Variants in ZFAND3 observed in about 807,000 individuals in gnomAD.
ZFAND3 encodes the protein AN1-type zinc finger protein 3.
ZFAND3 carries 10 observed loss-of-function variants against 29.6 expected under a neutral mutation model. The observed-to-expected ratio is 0.34, with a 90% CI of 0.21 to 0.57. The LOEUF (loss-of-function observed/expected upper bound fraction) is 0.57, where lower values mean the gene tolerates loss of function less well. Ranked by LOEUF, ZFAND3 falls within the 20% of genes least tolerant of loss-of-function variation. ZFAND3 has a pLI of 0.86. For missense variants in ZFAND3, 230 were observed against 304.5 expected, an observed-to-expected ratio of 0.76 and a Z score of 1.82; for synonymous variants, 128 against 112.6, an observed-to-expected ratio of 1.14 and a Z score of -0.87.
At chr6:38,073,777 T>C (rs1335065808) in intron 3 of ZFAND3, among the ~76,000 whole-genome samples, 1 of 152,170 alleles carries the variant, frequency 6.6e-6, no homozygotes, top group Non-Finnish European at 1.5e-5. Flanking sequence ...GGTGAGAGAT[T>C]ACATCTGAAA....
At chr6:37,982,749 T>C (rs1489774088) in intron 2 of ZFAND3, among the ~76,000 whole-genome samples, 1 of 152,184 alleles carries the variant, frequency 6.6e-6, no homozygotes. Context: ...TTTATTTTTT[T>C]AAAAAGTTAA....
At chr6:37,847,177 T>C (rs1412174437) in intron 1 of ZFAND3, among the ~76,000 whole-genome samples, 5 of 152,340 alleles carry the variant, frequency 3.3e-5, no homozygotes, top group Non-Finnish European at 7.3e-5. Flanking sequence ...GTTGGCAATA[T>C]ACTACATGTG....
chr6:38,039,600 C>G (rs1023944527), intron 2 of ZFAND3, among the ~76,000 whole-genome samples: 5 of 152,004 alleles, frequency 3.3e-5, no homozygotes, highest in Non-Finnish European at 5.9e-5. Flanking sequence ...TGAGGAAAAG[C>G]TAGTTATAGT....
At chr6:37,954,121 C>T (rs1762045727) in intron 2 of ZFAND3, among the ~76,000 whole-genome samples, 1 of 151,958 alleles carries the variant, frequency 6.6e-6, no homozygotes, top group South Asian at 2.1e-4. Context: ...TTTAACATAT[C>T]CTTTTTTTCT....
intron 5 of ZFAND3, among the ~76,000 whole-genome samples, chr6:38,142,604 C>T (rs2127495781): frequency 6.6e-6 from 1 of 152,314 alleles, no homozygotes; most frequent in Non-Finnish European, 1.5e-5. Context: ...CCAAACAAAT[C>T]AGGAGCCTAC....
At chr6:38,001,907 T>C (rs1390271883) in intron 2 of ZFAND3, among the ~76,000 whole-genome samples, 1 of 151,956 alleles carries the variant, frequency 6.6e-6, no homozygotes, top group Non-Finnish European at 1.5e-5. Context: ...TTTTTGTCTT[T>C]TAGTCTTTTC....
At chr6:37,935,379 T>A (rs940093830) in intron 2 of ZFAND3, among the ~76,000 whole-genome samples, 8 of 152,304 alleles carry the variant, frequency 5.3e-5, no homozygotes, top group Non-Finnish European at 5.9e-5. Flanking sequence ...TATTTTTATA[T>A]TGTTTTATAT....
intron 2 of ZFAND3, among the ~76,000 whole-genome samples, chr6:38,026,326 T>A (rs955157906): frequency 5.9e-5 from 9 of 151,846 alleles, no homozygotes; most frequent in Non-Finnish European, 1.2e-4. Context: ...AGGAAAACAC[T>A]AACTATATAA....
chr6:38,041,913 C>T (rs568482442), intron 2 of ZFAND3, among the ~76,000 whole-genome samples: 115 of 148,162 alleles, frequency 7.8e-4, no homozygotes, highest in African/African-American at 2.7e-3. Context: ...CTCGCCTCAC[C>T]GCAGCCTCTG....
chr6:37,904,439 C>G (rs1441887259), intron 1 of ZFAND3, among the ~76,000 whole-genome samples: 1 of 152,128 alleles, frequency 6.6e-6, no homozygotes, highest in Non-Finnish European at 1.5e-5. Context: ...TTTCTTACTA[C>G]CAATTCATTG....
intron 1 of ZFAND3, among the ~76,000 whole-genome samples, chr6:37,897,767 G>A (rs535031147): frequency 9.2e-5 from 14 of 152,178 alleles, no homozygotes; most frequent in African/African-American, 3.4e-4. Flanking sequence ...TTTATTGACC[G>A]CATAGATGTC....
At chr6:38,142,868 C>T (rs764280277) in intron 5 of ZFAND3, 1 of 154,408 alleles carries the variant, frequency 6.5e-6, no homozygotes, top group Non-Finnish European at 1.4e-5. Context: ...CTGCCTTGAG[C>T]CATTTTCTCT....
At chr6:38,097,091 G>C (rs1004609167) in intron 4 of ZFAND3, among the ~76,000 whole-genome samples, 1 of 151,876 alleles carries the variant, frequency 6.6e-6, no homozygotes, top group African/African-American at 2.4e-5. Flanking sequence ...GACTGTTTTG[G>C]TTTTTGAGAG....
intron 5 of ZFAND3, among the ~76,000 whole-genome samples, chr6:38,124,701 C>T (rs1562008528): frequency 6.6e-6 from 1 of 152,196 alleles, no homozygotes; most frequent in Non-Finnish European, 1.5e-5. Flanking sequence ...GCACCTTTCC[C>T]TCCACACCTC....
chr6:37,836,201 A>T (rs73730818), intron 1 of ZFAND3, among the ~76,000 whole-genome samples: 4,518 of 152,260 alleles, frequency 0.03, 174 homozygotes, highest in African/African-American at 0.086. Context: ...TTTCTAAAAA[A>T]CACATTACTC....
At chr6:38,134,798 A>G (rs1425514654) in intron 5 of ZFAND3, among the ~76,000 whole-genome samples, 1 of 152,128 alleles carries the variant, frequency 6.6e-6, no homozygotes. Context: ...ACCACTTCAC[A>G]TTTTGCTGTC....
At chr6:38,151,079 G>A (rs533692444) in intron 5 of ZFAND3, among the ~76,000 whole-genome samples, 20 of 152,188 alleles carry the variant, frequency 1.3e-4, no homozygotes, top group Non-Finnish European at 2.8e-4. Flanking sequence ...GACCTCAGAC[G>A]TCTGTGCTCC....
At chr6:38,040,460 A>G (rs1281183642) in intron 2 of ZFAND3, among the ~76,000 whole-genome samples, 2 of 152,102 alleles carry the variant, frequency 1.3e-5, no homozygotes, top group Non-Finnish European at 2.9e-5. Flanking sequence ...TGTATATACT[A>G]CATTTTGTTT....
At chr6:37,911,338 G>A (rs932507856) in intron 1 of ZFAND3, among the ~76,000 whole-genome samples, 15 of 152,136 alleles carry the variant, frequency 9.9e-5, no homozygotes, top group South Asian at 2.1e-4. Flanking sequence ...TTTGTATGTC[G>A]TCTTTTGGGA....
Sources: allele counts gnomAD v4.1 joint callset (sites outside exome capture counted in the v4.1 genomes callset), GRCh38; gene constraint gnomAD v4.1.1; transcripts MANE v1.5; gene names NCBI Gene and HGNC (gene_info 2026-07-23, HGNC 2026-07-21).